The following AGTPBP1 variants were observed in gnomAD, a reference collection of about 807,000 sequenced individuals.
AGTPBP1 encodes cytosolic carboxypeptidase 1.
In AGTPBP1, 70 loss-of-function variants were observed where a neutral mutation model predicts 143.9. The ratio of observed to expected loss-of-function variants is 0.49; its 90% confidence interval spans 0.40 to 0.59. The LOEUF (loss-of-function observed/expected upper bound fraction) is 0.59. Ranked by LOEUF, AGTPBP1 falls within the 20% of genes least tolerant of loss-of-function variation. The pLI, the probability that AGTPBP1 is intolerant of heterozygous loss-of-function variation, is 0.00. For missense variants in AGTPBP1, 1,229 were observed against 1,464.5 expected (o/e 0.84, Z 2.62); for synonymous variants, 463 against 500.2 (o/e 0.93, Z 0.99).
At chr9:85,586,444 G>A (rs1293903775) in intron 22 of AGTPBP1, among the ~76,000 whole-genome samples, 1 of 152,156 alleles carries the variant, frequency 6.6e-6, no homozygotes, top group Non-Finnish European at 1.5e-5. Context: ...GGTGAGAACA[G>A]AAGGAGCGTA....
intron 25 of AGTPBP1, among the ~76,000 whole-genome samples, chr9:85,548,107 ATGTT>A (rs1825829434): frequency 6.6e-6 from 1 of 152,172 alleles, no homozygotes; most frequent in Non-Finnish European, 1.5e-5. Context: ...ATATAGATGT[ATGTT>A]TGTTTATTTC....
intron 20 of AGTPBP1, 62 bp from the exon 21 acceptor site, chr9:85,588,540 T>C: frequency 6.5e-7 from 1 of 1,528,820 alleles, no homozygotes; most frequent in Non-Finnish European, 8.8e-7. Flanking sequence ...TATATTTTAC[T>C]TTGGGGCTTT....
In AGTPBP1 at chr9:85,620,734, A is replaced by G. The variant is rs557988858; in HGVS notation, c.2099+468T>C. On this transcript the variant is annotated intron_variant, in intron 15 of 25. Transcript: ENST00000357081. The stretch of plus-strand genomic sequence containing the variant: ...GGCAACCTAAATGACTGAGCCGATT[A>G]TAAGCAGTAAGAGACAACAGGGTGT... Among the ~76,000 whole-genome samples, 4 of 152,340 alleles carry G rather than the reference A, an allele frequency of 2.6e-5. No homozygotes were observed. In the South Asian group the frequency reaches 6.2e-4, roughly 24 times the overall value.
chr9:85,683,146 T>C lies in AGTPBP1; in HGVS notation c.158-1811A>G, dbSNP rs558763574. Among the ~76,000 whole-genome samples, 18 of 152,300 alleles carry C rather than the reference T, an allele frequency of 1.2e-4. No individual in the cohort carries two copies. In the East Asian group the frequency reaches 3.3e-3, roughly 28 times the overall value. ...TCACCAGTTCCTTGCTGCCACATTG[T>C]TAATGCTTAAAAGAATATAAAATTT... On this transcript the variant is annotated intron_variant, in intron 3 of 25. Coordinates refer to ENST00000357081, the MANE Select transcript of AGTPBP1 (RefSeq NM_001330701.2).
At chr9:85,700,254 G>A (rs62569256) in intron 2 of AGTPBP1, among the ~76,000 whole-genome samples, 2,546 of 152,164 alleles carry the variant, frequency 0.017, 25 homozygotes, top group Middle Eastern at 0.054. Context: ...AATCCCCTTG[G>A]CTTATTCAAC....
At chr9:85,634,775 C>T (rs970729598) in intron 13 of AGTPBP1, among the ~76,000 whole-genome samples, 1 of 152,002 alleles carries the variant, frequency 6.6e-6, no homozygotes, top group African/African-American at 2.4e-5. Flanking sequence ...ATAATGATTT[C>T]CTAAGCACTG....
chr9:85,650,042 C>CTTTT (rs35903806), intron 11 of AGTPBP1, among the ~76,000 whole-genome samples: 1,955 of 109,128 alleles, frequency 0.018, 19 homozygotes, highest in African/African-American at 0.036. Flanking sequence ...CTAAACTTTC[C>CTTTT]TTTTTTTTTT....
At chr9:85,797,650 T>C in the AGTPBP1 span, among the ~76,000 whole-genome samples, 7 of 152,104 alleles carry the variant, frequency 4.6e-5, no homozygotes, top group Non-Finnish European at 1.0e-4. Flanking sequence ...CTTTTGGCTT[T>C]CCTGGGCCAC....
intron 25 of AGTPBP1, among the ~76,000 whole-genome samples, chr9:85,570,930 T>C (rs1270310795): frequency 6.6e-6 from 1 of 152,162 alleles, no homozygotes; most frequent in Non-Finnish European, 1.5e-5. Context: ...GAAAAAAATA[T>C]TCAAGATAAT....
At chr9:85,716,925 T>G (rs10780740) in intron 1 of AGTPBP1, among the ~76,000 whole-genome samples, 30,096 of 152,126 alleles carry the variant, frequency 0.2, 4,761 homozygotes, top group East Asian at 0.76. Context: ...CTGCTCTGGA[T>G]GCACTGGCTG....
At chr9:85,617,240 G>A (rs1830648743) in intron 17 of AGTPBP1, among the ~76,000 whole-genome samples, 3 of 152,068 alleles carry the variant, frequency 2.0e-5, no homozygotes, top group Admixed American at 1.3e-4. Flanking sequence ...TAAATGAAAT[G>A]GATGATACAG....
rs369981668 is a variant in AGTPBP1, at chr9:85,633,119, T to C, written c.1558A>G (p.Ile520Val). ...TTGTTTAAACCATGGACTGATGAAA[T>C]AGTTCTATTTTGATCACCTGGCTGC... The part of the protein sequence containing the change: ...QQQPGDQNRT[I>V]SSVHGLNNDI... The change falls in exon 14 of 26, where the codon ATT becomes GTT. Residue 520 changes from isoleucine to valine, a missense_variant. Transcript: ENST00000357081. 1.8e-4 allele frequency: 290 copies of C among 1,614,012 alleles called. 1 individual carries two copies. The highest frequency in any genetic ancestry group is 2.1e-4 in the Non-Finnish European group (244 of 1,180,006).
At chr9:85,802,241 C>CTA in the AGTPBP1 span, among the ~76,000 whole-genome samples, 1 of 152,112 alleles carries the variant, frequency 6.6e-6, no homozygotes, top group South Asian at 2.1e-4. Context: ...GTCACTCTAC[C>CTA]GTCTTTCCAC....
Position 85,741,895 on chromosome 9 carries a change from G to C in AGTPBP1, c.-154C>G. 4 of 1,361,330 alleles carry C rather than the reference G, an allele frequency of 2.9e-6. No homozygotes were observed. Among genetic ancestry groups the C allele is most frequent in the Non-Finnish European group, 3.8e-6 (4 of 1,059,428 alleles). The allele number at this position is 1,361,330 out of a possible 1,614,324, so 84.3% of individuals were successfully genotyped here. ...TGTTTTCATACAAACCCCGGTGGCA[G>C]GCGAGGCGGAGGCGGCGGCGGCGGC... is the stretch of plus-strand genomic sequence containing the variant. On this transcript the variant is annotated 5_prime_UTR_variant, in exon 1 of 26. Coordinates refer to ENST00000357081, the MANE Select transcript of AGTPBP1 (RefSeq NM_001330701.2).
chr9:85,579,114 G>A lies in AGTPBP1; in HGVS notation c.3166-18C>T. ...GGCAATGTCTGTTAAAAACAAGAATGATGATGATAAAATAAACCAAGTTTT... is the reference window on the plus strand; with the variant it reads ...GGCAATGTCTGTTAAAAACAAGAATAATGATGATAAAATAAACCAAGTTTT... On this transcript the variant is annotated intron_variant, in intron 23 of 25. Transcript: ENST00000357081. 1 of 1,569,904 alleles carries A rather than the reference G, an allele frequency of 6.4e-7. No individual in the cohort carries two copies. Among genetic ancestry groups the A allele is most frequent in the Non-Finnish European group, 8.6e-7 (1 of 1,167,812 alleles).
chr9:85,686,925 T>C (rs188049211), intron 3 of AGTPBP1, among the ~76,000 whole-genome samples: 2 of 152,184 alleles, frequency 1.3e-5, no homozygotes, highest in East Asian at 1.9e-4. Flanking sequence ...ATGCATTAAA[T>C]TGGAAGCACT....
chr9:85,662,978 C>T (rs1321588297), intron 8 of AGTPBP1, among the ~76,000 whole-genome samples: 1 of 152,052 alleles, frequency 6.6e-6, no homozygotes, highest in African/African-American at 2.4e-5. Flanking sequence ...GAGATGGGCC[C>T]TACAATTGCC....
intron 23 of AGTPBP1, among the ~76,000 whole-genome samples, chr9:85,582,621 A>G (rs1828339824): frequency 6.6e-6 from 1 of 151,940 alleles, no homozygotes; most frequent in South Asian, 2.1e-4. Flanking sequence ...CGGAGGCTGC[A>G]GTGAGCCGAG....
intron 1 of AGTPBP1, among the ~76,000 whole-genome samples, chr9:85,730,275 C>A (rs1367339809): frequency 6.6e-6 from 1 of 152,176 alleles, no homozygotes; most frequent in East Asian, 1.9e-4. Context: ...TGATTTATTG[C>A]CCCTCATCTC....
Sources: gnomAD v4.1 joint callset for allele counts (sites outside exome capture counted in the v4.1 genomes callset) on GRCh38, gnomAD v4.1.1 for gene constraint, MANE v1.5 for transcripts, NCBI Gene and HGNC (gene_info 2026-07-23, HGNC 2026-07-21) for gene names.